HECW2: variants seen among roughly 807,000 people sequenced by gnomAD.
The protein encoded by HECW2 is E3 ubiquitin-protein ligase HECW2.
A neutral mutation model predicts 175.2 loss-of-function variants in HECW2; 61 were observed. That is an observed-to-expected ratio of 0.35 (90% CI 0.28 to 0.43). HECW2 has a LOEUF of 0.43. HECW2 is among the 20% of genes least tolerant of loss of function. The pLI is 1.00. For missense variants in HECW2, 1,524 were observed against 2,000.5 expected (o/e 0.76, Z 4.54); for synonymous variants, 671 against 731.0 (o/e 0.92, Z 1.32).
chr2:196,402,001 C>A (rs1694830652), intron 2 of HECW2, among the ~76,000 whole-genome samples: 1 of 151,550 alleles, frequency 6.6e-6, no homozygotes, highest in Non-Finnish European at 1.5e-5. Context: ...GAGATCGAGA[C>A]CATCCTGGCT....
At chr2:196,548,610 C>T (rs1325762085) in intron 1 of HECW2, among the ~76,000 whole-genome samples, 3 of 152,204 alleles carry the variant, frequency 2.0e-5, no homozygotes, top group Non-Finnish European at 2.9e-5. Flanking sequence ...ATAAGTAAAG[C>T]CACTGATTAA....
At chr2:196,527,848 C>A (rs1392448934) in intron 1 of HECW2, among the ~76,000 whole-genome samples, 2 of 152,030 alleles carry the variant, frequency 1.3e-5, no homozygotes, top group Non-Finnish European at 2.9e-5. Context: ...ACTTTTATGT[C>A]CTGGTTAAAA....
chr2:196,367,758 C>T (rs574804598), intron 2 of HECW2, among the ~76,000 whole-genome samples: 3 of 151,680 alleles, frequency 2.0e-5, no homozygotes, highest in Non-Finnish European at 4.4e-5. Context: ...TCTTTCTGTC[C>T]CTGGTTTATT....
intron 4 of HECW2, chr2:196,331,437 AG>A (rs1391019681): frequency 3.6e-5 from 10 of 275,482 alleles, no homozygotes; most frequent in South Asian, 1.4e-4. Context: ...GCCTGGGCAC[AG>A]GAAGATATCC....
At chr2:196,585,725 G>A (rs1690950322) in intron 1 of HECW2, among the ~76,000 whole-genome samples, 1 of 152,066 alleles carries the variant, frequency 6.6e-6, no homozygotes, top group Non-Finnish European at 1.5e-5. Context: ...GAGGGAGGAA[G>A]GGGTGGGGGC....
chr2:196,335,263 A>G (rs958634288), intron 3 of HECW2, among the ~76,000 whole-genome samples: 2 of 152,188 alleles, frequency 1.3e-5, no homozygotes, highest in African/African-American at 4.8e-5. Flanking sequence ...TACAAATGCC[A>G]ATTATGGTTT....
At chr2:196,222,663 G>A (rs182306529) in intron 23 of HECW2, among the ~76,000 whole-genome samples, 386 of 152,152 alleles carry the variant, frequency 2.5e-3, no homozygotes, top group African/African-American at 8.4e-3. Context: ...GCCAGATCAG[G>A]AACTGGCACT....
At chr2:196,410,301 T>TGG (rs1695075171) in intron 2 of HECW2, among the ~76,000 whole-genome samples, 1 of 152,222 alleles carries the variant, frequency 6.6e-6, no homozygotes, top group South Asian at 2.1e-4. Flanking sequence ...CATTTTGACA[T>TGG]AATCCTAAAA....
At chr2:196,300,785 TAC>T (rs1691018767) in intron 13 of HECW2, among the ~76,000 whole-genome samples, 1 of 152,084 alleles carries the variant, frequency 6.6e-6, no homozygotes, top group Non-Finnish European at 1.5e-5. Flanking sequence ...CACACAAATA[TAC>T]ACACACTTTT....
intron 1 of HECW2, among the ~76,000 whole-genome samples, chr2:196,566,699 A>ATTTTT (rs58391487): frequency 4.5e-4 from 42 of 94,170 alleles, no homozygotes; most frequent in African/African-American, 1.4e-3. Flanking sequence ...CACCCAGCTA[A>ATTTTT]TTTTTTTTTT....
intron 13 of HECW2, among the ~76,000 whole-genome samples, chr2:196,300,561 T>C (rs563060728): frequency 2.6e-5 from 4 of 152,372 alleles, no homozygotes; most frequent in Admixed American, 2.0e-4. Flanking sequence ...GTTGGAATTA[T>C]ACTTGTTCTT....
intron 2 of HECW2, among the ~76,000 whole-genome samples, chr2:196,409,764 G>A (rs971312572): frequency 6.6e-6 from 1 of 152,120 alleles, no homozygotes; most frequent in African/African-American, 2.4e-5. Context: ...AGCCCTCTAG[G>A]TATGAGGGCA....
At chr2:196,207,721 C>T (rs1308858625) in intron 28 of HECW2, among the ~76,000 whole-genome samples, 1 of 152,192 alleles carries the variant, frequency 6.6e-6, no homozygotes, top group Non-Finnish European at 1.5e-5. Flanking sequence ...AGGTTCGGCA[C>T]TTAGTAAAGC....
intron 19 of HECW2, among the ~76,000 whole-genome samples, chr2:196,250,467 G>A (rs946105599): frequency 2.2e-4 from 33 of 152,148 alleles, no homozygotes; most frequent in African/African-American, 9.7e-5. Context: ...AAAAATAATC[G>A]TGAGAGGTGA....
intron 1 of HECW2, among the ~76,000 whole-genome samples, chr2:196,581,130 G>A (rs1284746654): frequency 1.3e-5 from 2 of 152,168 alleles, no homozygotes. Context: ...TTTGGGAGCA[G>A]GAAAAACGGG....
intron 1 of HECW2, among the ~76,000 whole-genome samples, chr2:196,555,522 A>T (rs1689763973): frequency 6.6e-6 from 1 of 152,210 alleles, no homozygotes; most frequent in African/African-American, 2.4e-5. Context: ...CATAGGTCCT[A>T]TCAAAACATC....
rs531223278 is a variant in HECW2 at position 196,465,277 on chromosome 2, T to G, written c.-35-31819A>C. ...GCTATTGCTTTTTAGAACTTCAAGTTATAAAATAAGATTTTGGCTAATCTA... is the reference window on the plus strand; with the variant it reads ...GCTATTGCTTTTTAGAACTTCAAGTGATAAAATAAGATTTTGGCTAATCTA... On this transcript the variant is annotated intron_variant, in intron 1 of 28. Coordinates refer to ENST00000644978, the MANE Select transcript of HECW2 (RefSeq NM_001348768.2). Among the ~76,000 whole-genome samples, 4 of 152,206 alleles carry G rather than the reference T, an allele frequency of 2.6e-5. No individual in the cohort carries two copies. In the East Asian group the frequency reaches 7.7e-4, roughly 29 times the overall value.
intron 2 of HECW2, among the ~76,000 whole-genome samples, chr2:196,360,838 C>A (rs528212100): frequency 6.6e-6 from 1 of 152,332 alleles, no homozygotes; most frequent in East Asian, 1.9e-4. Context: ...CCAGAGATGA[C>A]TGCTCATGTA....
intron 2 of HECW2, 111 bp from the exon 3 acceptor site, chr2:196,343,875 A>C: frequency 1.4e-6 from 1 of 735,600 alleles, no homozygotes; most frequent in East Asian, 2.6e-5. Flanking sequence ...GAGAAAATAT[A>C]ATGCACATTA....
Sources: allele counts gnomAD v4.1 joint callset (sites outside exome capture counted in the v4.1 genomes callset), GRCh38; gene constraint gnomAD v4.1.1; transcripts MANE v1.5; gene names NCBI Gene and HGNC (gene_info 2026-07-23, HGNC 2026-07-21).